The following C4orf51 variants were observed in gnomAD, a reference collection of about 807,000 sequenced individuals.
C4orf51 encodes the protein uncharacterized protein C4orf51.
C4orf51 carries 25 observed loss-of-function variants against 25.2 expected under a neutral mutation model. That is an observed-to-expected ratio of 0.99 (90% CI 0.72 to 1.39). The LOEUF (loss-of-function observed/expected upper bound fraction) is 1.39. C4orf51 is among the 40% of genes most tolerant of loss of function. C4orf51 has a pLI of 0.00. For missense variants in C4orf51, 252 were observed against 239.6 expected, an observed-to-expected ratio of 1.05 and a Z score of -0.34; for synonymous variants, 100 against 84.5, an observed-to-expected ratio of 1.18 and a Z score of -1.01.
At chr4:145,745,093 G>A (rs1478592043) in intron 1 of C4orf51, among the ~76,000 whole-genome samples, 7 of 152,060 alleles carry the variant, frequency 4.6e-5, no homozygotes, top group Non-Finnish European at 1.0e-4. Flanking sequence ...ATTTTAATGG[G>A]TACATAGTAG....
At chr4:145,693,996 T>G (rs1298198203) in intron 1 of C4orf51, among the ~76,000 whole-genome samples, 1 of 106,458 alleles carries the variant, frequency 9.4e-6, no homozygotes, top group Non-Finnish European at 2.0e-5. Flanking sequence ...ACGGGGCAGC[T>G]GCCGGGCGGA....
intron 1 of C4orf51, 75 bp from the exon 2 acceptor site, chr4:145,696,484 C>T (rs976194802): frequency 4.2e-6 from 5 of 1,196,468 alleles, no homozygotes; most frequent in South Asian, 1.3e-5. Context: ...ATGGAAATCC[C>T]TGTAAGTCCA....
intron 1 of C4orf51, among the ~76,000 whole-genome samples, chr4:145,745,729 G>T (rs557724910): frequency 2.0e-5 from 3 of 152,232 alleles, no homozygotes; most frequent in Non-Finnish European, 2.9e-5. Context: ...TTTCCTTTGG[G>T]TATATACCTA....
chr4:145,709,956 C>A (rs6835191), intron 2 of C4orf51, among the ~76,000 whole-genome samples: 7 of 151,958 alleles, frequency 4.6e-5, no homozygotes, highest in African/African-American at 1.7e-4. Flanking sequence ...GTAAAAGGGG[C>A]GAATAAACCA....
the C4orf51 span, among the ~76,000 whole-genome samples, chr4:145,784,337 G>C: frequency 6.6e-6 from 1 of 152,184 alleles, no homozygotes. Flanking sequence ...GTCCCTGTTT[G>C]TTTCAGCCAC....
the C4orf51 span, chr4:145,779,624 T>C: frequency 2.0e-5 from 28 of 1,411,008 alleles, no homozygotes; most frequent in Middle Eastern, 3.7e-4. Context: ...TGGCTAGTAA[T>C]TGCAAATGAG....
chr4:145,719,045 C>T (rs1731572685), intron 2 of C4orf51, among the ~76,000 whole-genome samples: 1 of 152,130 alleles, frequency 6.6e-6, no homozygotes, highest in South Asian at 2.1e-4. Context: ...TGTTTACTTA[C>T]TTATTATCTC....
chr4:145,689,190 T>G (rs538766450), intron 1 of C4orf51, among the ~76,000 whole-genome samples: 1 of 152,128 alleles, frequency 6.6e-6, no homozygotes, highest in African/African-American at 2.4e-5. Flanking sequence ...ATATGGAGAA[T>G]ATCTTGATGA....
At chr4:145,758,142 C>T (rs1187092825), downstream of C4orf51, 3 of 152,056 alleles carry the variant, frequency 2.0e-5, no homozygotes, top group Admixed American at 6.5e-5. Context: ...CAAACAAACT[C>T]CAAACACACC....
rs1286060525 is a variant in C4orf51, at chr4:145,765,499, A to G, written n.167-5489A>G. 6.4e-7 allele frequency: 1 copy of G among 1,556,680 alleles called. No homozygotes were observed. Among genetic ancestry groups the G allele is most frequent in the East Asian group, 2.3e-5 (1 of 44,408 alleles). ...CAGGGCTTATTCTCAAGAATGGGTC[A>G]TCCTGGGTGCGGAGGGTTGAGCAGG... On this transcript the variant is annotated intron_variant and non_coding_transcript_variant, in intron 1 of 1. Transcript: ENST00000510096. This position sits in a 1 kb window ranked among gnomAD's most constrained non-coding sequence, Gnocchi z 4.7.
chr4:145,779,172 C>G, the C4orf51 span, among the ~76,000 whole-genome samples: 3 of 152,344 alleles, frequency 2.0e-5, no homozygotes, highest in African/African-American at 7.2e-5. Flanking sequence ...TCGGTCCTAC[C>G]TGGAACTCAA....
chr4:145,754,673 G>A (rs900126275), downstream of C4orf51, among the ~76,000 whole-genome samples: 1 of 152,186 alleles, frequency 6.6e-6, no homozygotes, highest in Non-Finnish European at 1.5e-5. Flanking sequence ...AGTGGCTCGC[G>A]CCTGTAATCC....
chr4:145,774,011 G>C (rs193145338), downstream of C4orf51, among the ~76,000 whole-genome samples: 1 of 152,320 alleles, frequency 6.6e-6, no homozygotes, highest in East Asian at 1.9e-4. Flanking sequence ...ACTGAAACTA[G>C]TGACTACTGA....
At chr4:145,680,652 C>T (rs576447680) in intron 1 of C4orf51, among the ~76,000 whole-genome samples, 2 of 152,226 alleles carry the variant, frequency 1.3e-5, no homozygotes, top group African/African-American at 4.8e-5. Context: ...TTACATATAA[C>T]TACCTAGTCC....
At chr4:145,746,241 T>C (rs1384158588) in intron 1 of C4orf51, among the ~76,000 whole-genome samples, 2 of 152,164 alleles carry the variant, frequency 1.3e-5, no homozygotes, top group African/African-American at 4.8e-5. Flanking sequence ...TTTGCCCATA[T>C]TTGTTTTAGT....
chr4:145,694,434 G>A (rs1481621692), intron 1 of C4orf51, among the ~76,000 whole-genome samples: 3 of 121,814 alleles, frequency 2.5e-5, no homozygotes, highest in Admixed American at 7.8e-5. Context: ...GCCTCTGCCC[G>A]GCCGCCCCTT....
At position 145,761,154 on chromosome 4, in the gene C4orf51, T is replaced by G. The variant is rs1338696122; in HGVS notation, n.167-9834T>G. 7 of 1,289,720 alleles carry G rather than the reference T, an allele frequency of 5.4e-6. No individual in the cohort carries two copies. Among genetic ancestry groups the G allele is most frequent in the Non-Finnish European group, 6.1e-6 (6 of 988,858 alleles). The allele number at this position is 1,289,720 out of a possible 1,614,324, so 79.9% of individuals were successfully genotyped here. ...CCGGGCCGGCCGGTTCCTTGGGGGC[T>G]GGACACAGGCCCTTCTTGTCCTCCT... On this transcript the variant is annotated intron_variant and non_coding_transcript_variant, in intron 1 of 1. Transcript: ENST00000510096. This position sits in a 1 kb window ranked among gnomAD's most constrained non-coding sequence, Gnocchi z 6.8.
chr4:145,738,651 T>A (rs184235298), intron 1 of C4orf51, among the ~76,000 whole-genome samples: 1 of 151,998 alleles, frequency 6.6e-6, no homozygotes, highest in East Asian at 1.9e-4. Flanking sequence ...ATTATTATTA[T>A]TATTTTGAGA....
At position 145,761,160 on chromosome 4, in the gene C4orf51, C is replaced by T. The variant is rs1239214019; in HGVS notation, n.167-9828C>T. The T allele has an allele frequency of 7.8e-7, 1 of 1,289,744 alleles. No individual in the cohort carries two copies. The highest frequency in any genetic ancestry group is 1.0e-6 in the Non-Finnish European group (1 of 988,886). 79.9% of individuals were successfully genotyped at this position (1,289,744 alleles called of 1,614,324 possible). A position where few individuals can be genotyped will look rare whatever the true frequency, so the allele number is the denominator to read the frequency against. On this transcript the variant is annotated intron_variant and non_coding_transcript_variant, in intron 1 of 1. Coordinates refer to the C4orf51 transcript ENST00000510096. The surrounding 1 kb of genome is among the most constrained non-coding windows in gnomAD (Gnocchi z 6.8). ...CGGCCGGTTCCTTGGGGGCTGGACA[C>T]AGGCCCTTCTTGTCCTCCTCGGGGC...
Sources: gnomAD v4.1 joint callset for allele counts (sites outside exome capture counted in the v4.1 genomes callset) on GRCh38, gnomAD v4.1.1 for gene constraint, Gnocchi (gnomAD v3.1) non-coding constraint, MANE v1.5 for transcripts, NCBI Gene and HGNC (gene_info 2026-07-23, HGNC 2026-07-21) for gene names.